SUMF1: variants seen among roughly 807,000 people sequenced by gnomAD.
The protein encoded by SUMF1 is formylglycine-generating enzyme.
A neutral mutation model predicts 47.6 loss-of-function variants in SUMF1; 48 were observed. The ratio of observed to expected loss-of-function variants is 1.01; its 90% CI spans 0.80 to 1.28. The LOEUF (loss-of-function observed/expected upper bound fraction) is 1.28, where lower values mean the gene tolerates loss of function less well. SUMF1 is among the 50% of genes most tolerant of loss of function. SUMF1 has a pLI of 0.00. For synonymous variants in SUMF1, 230 were observed against 192.1 expected (o/e 1.20, Z -1.63); for missense variants, 571 against 485.4 (o/e 1.18, Z -1.66).
chr3:4,203,654 T>C (rs1574974902), intron 8 of SUMF1, among the ~76,000 whole-genome samples: 1 of 151,986 alleles, frequency 6.6e-6, no homozygotes, highest in African/African-American at 2.4e-5. Context: ...TGTTTTGTGG[T>C]CTTCTCTTCC....
chr3:4,297,900 T>G (rs1412179524), intron 8 of SUMF1, among the ~76,000 whole-genome samples: 1 of 152,170 alleles, frequency 6.6e-6, no homozygotes, highest in African/African-American at 2.4e-5. Context: ...ATAAAAACCC[T>G]GAACAAAAAA....
At chr3:4,063,335 T>G (rs1574851448) in intron 9 of SUMF1, among the ~76,000 whole-genome samples, 1 of 152,064 alleles carries the variant, frequency 6.6e-6, no homozygotes, top group African/African-American at 2.4e-5. Context: ...CTGCAGAACT[T>G]AGACCAGTTT....
chr3:4,262,788 T>C lies in SUMF1; in HGVS notation c.1014+113542A>G, dbSNP rs1310998964. ...GGTGATGCAACTGTCCATGAGGCCA[T>C]GAGAGGATCCTCCTAGATGTGTCAA... On this transcript the variant is annotated intron_variant and NMD_transcript_variant, in intron 8 of 12. Coordinates refer to the SUMF1 transcript ENST00000448413. Among the ~76,000 whole-genome samples the C allele has an allele frequency of 1.3e-5, 2 of 152,166 alleles. 1 individual carries two copies. Among genetic ancestry groups the C allele is most frequent in the Non-Finnish European group, 2.9e-5 (2 of 68,024 alleles).
At chr3:4,447,154 G>A (rs2125118137) in intron 3 of SUMF1, among the ~76,000 whole-genome samples, 1 of 151,816 alleles carries the variant, frequency 6.6e-6, no homozygotes, top group Admixed American at 6.6e-5. Flanking sequence ...TGTGTTGTGT[G>A]ATTTTCTGTA....
intron 8 of SUMF1, among the ~76,000 whole-genome samples, chr3:4,103,579 G>C (rs939927499): frequency 2.6e-5 from 4 of 152,104 alleles, no homozygotes; most frequent in African/African-American, 9.7e-5. Flanking sequence ...TTAGTGATTA[G>C]TGGTTTCTGC....
At chr3:4,251,523 A>G (rs1296954372) in intron 8 of SUMF1, among the ~76,000 whole-genome samples, 3 of 152,244 alleles carry the variant, frequency 2.0e-5, no homozygotes, top group African/African-American at 4.8e-5. Flanking sequence ...ACATCATCAC[A>G]TGCTTTACAG....
intron 8 of SUMF1, among the ~76,000 whole-genome samples, chr3:4,102,400 C>A (rs1465765870): frequency 1.3e-5 from 2 of 152,192 alleles, no homozygotes; most frequent in Admixed American, 6.5e-5. Context: ...TCTAGACTAA[C>A]CTTACTGCTG....
At chr3:4,265,329 TGTA>T (rs952849493) in intron 8 of SUMF1, among the ~76,000 whole-genome samples, 3 of 152,106 alleles carry the variant, frequency 2.0e-5, no homozygotes, top group Non-Finnish European at 2.9e-5. Flanking sequence ...ATCACAAACT[TGTA>T]GTCCACATTT....
chr3:4,291,750 C>CCAA (rs1390445684), intron 8 of SUMF1, among the ~76,000 whole-genome samples: 1 of 152,156 alleles, frequency 6.6e-6, no homozygotes, highest in African/African-American at 2.4e-5. Flanking sequence ...CAAATACTTT[C>CCAA]CAACAGGGAA....
exon 9 of SUMF1, chr3:4,068,604 G>A (rs149614513): frequency 7.7e-5 from 32 of 413,242 alleles, no homozygotes; most frequent in South Asian, 2.5e-4. Context: ...CATGTCAAAC[G>A]TTCAATAGCT....
intron 8 of SUMF1, among the ~76,000 whole-genome samples, chr3:4,295,528 C>A (rs1468992310): frequency 1.3e-5 from 2 of 151,916 alleles, no homozygotes; most frequent in Non-Finnish European, 2.9e-5. Flanking sequence ...AAGCTTACTA[C>A]CTGGAACGTG....
chr3:4,056,414 C>A (rs967136307), intron 9 of SUMF1, among the ~76,000 whole-genome samples: 1 of 151,932 alleles, frequency 6.6e-6, no homozygotes, highest in South Asian at 2.1e-4. Context: ...TGGTTCATGC[C>A]TGTAACCTCA....
At chr3:4,054,122 G>C (rs1401830905) in intron 9 of SUMF1, among the ~76,000 whole-genome samples, 1 of 152,096 alleles carries the variant, frequency 6.6e-6, no homozygotes, top group Non-Finnish European at 1.5e-5. Flanking sequence ...ACTCAAGCAT[G>C]ACCTTTTGAG....
intron 8 of SUMF1, among the ~76,000 whole-genome samples, chr3:4,216,437 C>A (rs570524209): frequency 2.0e-5 from 3 of 152,218 alleles, no homozygotes; most frequent in Admixed American, 1.3e-4. Context: ...CCATAAAAAT[C>A]CTAGAAGAAA....
chr3:4,290,219 G>T (rs1386234845), intron 8 of SUMF1, among the ~76,000 whole-genome samples: 2 of 152,098 alleles, frequency 1.3e-5, no homozygotes, highest in African/African-American at 4.8e-5. Flanking sequence ...TATTCACTCA[G>T]TCATTTTACA....
intron 8 of SUMF1, among the ~76,000 whole-genome samples, chr3:4,352,822 T>A (rs1575121778): frequency 6.6e-6 from 1 of 151,902 alleles, no homozygotes; most frequent in East Asian, 1.9e-4. Flanking sequence ...ACCTCTACAT[T>A]TAAGAGGTCT....
At chr3:4,126,457 T>C (rs902092896) in intron 8 of SUMF1, among the ~76,000 whole-genome samples, 1 of 152,086 alleles carries the variant, frequency 6.6e-6, no homozygotes, top group East Asian at 1.9e-4. Flanking sequence ...TCTTTAAAAC[T>C]TTTTTTGCAG....
intron 3 of SUMF1, among the ~76,000 whole-genome samples, chr3:4,440,089 A>G (rs1702531227): frequency 6.6e-6 from 1 of 152,004 alleles, no homozygotes; most frequent in Non-Finnish European, 1.5e-5. Context: ...CAAAAAAATT[A>G]GCTGGGCTTG....
chr3:4,431,497 C>A (rs1702230860), intron 3 of SUMF1, among the ~76,000 whole-genome samples: 1 of 152,230 alleles, frequency 6.6e-6, no homozygotes, highest in African/African-American at 2.4e-5. Context: ...GAATGGGGGA[C>A]CACCCCCATG....
Sources: allele counts gnomAD v4.1 joint callset (sites outside exome capture counted in the v4.1 genomes callset), GRCh38; gene constraint gnomAD v4.1.1; transcripts MANE v1.5; gene names NCBI Gene and HGNC (gene_info 2026-07-23, HGNC 2026-07-21).